The following C8orf34 variants were observed in gnomAD, a reference collection of about 807,000 sequenced individuals.
C8orf34 encodes uncharacterized protein C8orf34.
A neutral mutation model predicts 68.3 loss-of-function variants in C8orf34; 65 were observed. The ratio of observed to expected loss-of-function variants is 0.95; its 90% CI spans 0.78 to 1.17. C8orf34 has a LOEUF of 1.17. Ranked by LOEUF, C8orf34 falls within the 50% of genes most tolerant of loss-of-function variation. The pLI is 0.00. For missense variants in C8orf34, 664 were observed against 655.4 expected, an observed-to-expected ratio of 1.01 and a Z score of -0.14; for synonymous variants, 244 against 241.2, an observed-to-expected ratio of 1.01 and a Z score of -0.11.
chr8:68,451,976 A>T (rs553888595), intron 3 of C8orf34, among the ~76,000 whole-genome samples: 1 of 151,874 alleles, frequency 6.6e-6, no homozygotes, highest in African/African-American at 2.4e-5. Context: ...ACAATGTATG[A>T]CCTTTTGTCT....
rs73266547 is a variant in C8orf34 at position 68,505,351 on chromosome 8, A to G, written c.766-16448A>G. ...TGAATTTTGTATCATTCTTTCATTC[A>G]CTCAAAGAATGCCAGTAGCTGGTGG... On this transcript the variant is annotated intron_variant, in intron 5 of 13. Coordinates refer to ENST00000518698, the MANE Select transcript of C8orf34 (RefSeq NM_052958.4). 8.5e-3 allele frequency among the ~76,000 whole-genome samples: 1,299 copies of G among 152,202 alleles called. 20 individuals carry two copies. The highest frequency in any genetic ancestry group is 0.029 in the African/African-American group (1,192 of 41,528).
At chr8:68,571,614 A>T (rs1816760697) in intron 7 of C8orf34, among the ~76,000 whole-genome samples, 1 of 152,170 alleles carries the variant, frequency 6.6e-6, no homozygotes, top group Non-Finnish European at 1.5e-5. Context: ...AAAAAAGAGG[A>T]GGAAAAATTC....
At chr8:68,509,658 T>C (rs1814176559) in intron 5 of C8orf34, among the ~76,000 whole-genome samples, 2 of 152,078 alleles carry the variant, frequency 1.3e-5, no homozygotes, top group African/African-American at 4.8e-5. Context: ...TGGGATGCAT[T>C]TGAAAGGGGT....
At chr8:68,768,913 ATTAC>A (rs1430674589) in intron 10 of C8orf34, among the ~76,000 whole-genome samples, 1 of 151,190 alleles carries the variant, frequency 6.6e-6, no homozygotes, top group Non-Finnish European at 1.5e-5. Flanking sequence ...TCTTAAGTAT[ATTAC>A]TTCATTCTTC....
intron 1 of C8orf34, among the ~76,000 whole-genome samples, chr8:68,379,968 G>A (rs927530224): frequency 5.9e-5 from 9 of 152,038 alleles, no homozygotes; most frequent in African/African-American, 2.2e-4. Flanking sequence ...TCTCCCAACT[G>A]GAACCTCCCA....
chr8:68,540,013 C>A (rs1327201733), intron 7 of C8orf34, among the ~76,000 whole-genome samples: 3 of 151,958 alleles, frequency 2.0e-5, no homozygotes, highest in Non-Finnish European at 4.4e-5. Context: ...TTTTCAAAAT[C>A]CCAAATGGTA....
chr8:68,614,597 G>A (rs1818135643), intron 7 of C8orf34, among the ~76,000 whole-genome samples: 1 of 152,128 alleles, frequency 6.6e-6, no homozygotes, highest in African/African-American at 2.4e-5. Context: ...TCAGATAGTT[G>A]TAGATATGCG....
At chr8:68,450,638 A>C (rs1811302381) in intron 3 of C8orf34, among the ~76,000 whole-genome samples, 3 of 152,116 alleles carry the variant, frequency 2.0e-5, no homozygotes, top group Non-Finnish European at 2.9e-5. Context: ...GTGCATTTTC[A>C]ATGAGCAGTA....
chr8:68,340,830 C>G (rs1321490613), intron 1 of C8orf34, among the ~76,000 whole-genome samples: 1 of 151,970 alleles, frequency 6.6e-6, no homozygotes, highest in Non-Finnish European at 1.5e-5. Context: ...CAAAACCAGA[C>G]AAAAACTGTA....
At chr8:68,697,138 T>A (rs1820858265) in intron 8 of C8orf34, among the ~76,000 whole-genome samples, 1 of 152,152 alleles carries the variant, frequency 6.6e-6, no homozygotes, top group Non-Finnish European at 1.5e-5. Context: ...ACCTAATTTA[T>A]TTTTATATCG....
At chr8:68,803,781 T>C (rs1824401065) in intron 12 of C8orf34, among the ~76,000 whole-genome samples, 2 of 152,150 alleles carry the variant, frequency 1.3e-5, no homozygotes, top group Admixed American at 1.3e-4. Flanking sequence ...CTGTCAGAAT[T>C]ATATTTCTTA....
Position 68,533,105 on chromosome 8 carries a change from CAGA to C in C8orf34, c.1068_1070del (p.Glu356del). Reference sequence around the variant, plus strand: ...ATCCACAGCCCTACCCCATCTGTAACAGAAGAAGATATTGATAATGAAGATGAT... The same window carrying C: ...ATCCACAGCCCTACCCCATCTGTAACAGAAGATATTGATAATGAAGATGAT... On this transcript the variant is annotated inframe_deletion, in exon 7 of 14. Transcript: ENST00000518698. 1.2e-6 allele frequency: 2 copies of C among 1,608,174 alleles called. No individual in the cohort carries two copies. The highest frequency in any genetic ancestry group is 8.5e-7 in the Non-Finnish European group (1 of 1,177,528).
intron 5 of C8orf34, among the ~76,000 whole-genome samples, chr8:68,514,933 A>C (rs1180351403): frequency 6.6e-6 from 1 of 152,204 alleles, no homozygotes; most frequent in Non-Finnish European, 1.5e-5. Context: ...ATTTTAAGGA[A>C]GAGATTATGG....
chr8:68,661,252 T>C (rs1819669541), intron 8 of C8orf34, among the ~76,000 whole-genome samples: 1 of 152,220 alleles, frequency 6.6e-6, no homozygotes, highest in African/African-American at 2.4e-5. Context: ...TCATTCTTAA[T>C]TGGCTAACAG....
At chr8:68,660,245 C>A (rs1035795180) in intron 8 of C8orf34, among the ~76,000 whole-genome samples, 3 of 152,134 alleles carry the variant, frequency 2.0e-5, no homozygotes, top group African/African-American at 7.2e-5. Context: ...ATTATTGTTA[C>A]CCACCTAGAA....
intron 7 of C8orf34, among the ~76,000 whole-genome samples, chr8:68,617,242 T>C (rs934049564): frequency 6.2e-4 from 94 of 152,316 alleles, no homozygotes; most frequent in African/African-American, 2.2e-3. Flanking sequence ...CTCTATCCAA[T>C]TTGCCAGTCT....
chr8:68,818,431 T>C lies in C8orf34; in HGVS notation c.*185T>C. 1.6e-6 allele frequency: 1 copy of C among 624,108 alleles called. No individual in the cohort carries two copies. Among genetic ancestry groups the C allele is most frequent in the Non-Finnish European group, 2.8e-6 (1 of 360,336 alleles). The allele number at this position is 624,108 out of a possible 1,614,324, so 38.7% of individuals were successfully genotyped here. On this transcript the variant is annotated 3_prime_UTR_variant, in exon 14 of 14. Coordinates refer to ENST00000518698, the MANE Select transcript of C8orf34 (RefSeq NM_052958.4). ...GTATGTAATCAGAGAACACTAATCC[T>C]GGCAAAGGATTGTGGGGTGGTCAGG...
Position 68,726,058 on chromosome 8 carries a change from G to A in C8orf34, c.1404+4621G>A, listed in dbSNP as rs774203841. On this transcript the variant is annotated intron_variant, in intron 10 of 13. Coordinates refer to ENST00000518698, the MANE Select transcript of C8orf34 (RefSeq NM_052958.4). Reference sequence around the variant, plus strand: ...CTAGTGTCTGGGATTACAGGCGCACGCCGCCACACCCAGCTAATTTTTGTA... The same window carrying A: ...CTAGTGTCTGGGATTACAGGCGCACACCGCCACACCCAGCTAATTTTTGTA... Among the ~76,000 whole-genome samples the A allele has an allele frequency of 5.9e-5, 9 of 152,102 alleles. No homozygotes were observed. The East Asian group carries it at 1.2e-3, about 20-fold the overall frequency.
chr8:68,330,978 C>A lies in C8orf34; in HGVS notation c.-35C>A, dbSNP rs541013661. ...CCACTGCGCCGGGCGCTGCGGAGAGCGGCGAGGGTGGGCGCGAGGCGGAGA... is the reference window on the plus strand; with the variant it reads ...CCACTGCGCCGGGCGCTGCGGAGAGAGGCGAGGGTGGGCGCGAGGCGGAGA... On this transcript the variant is annotated 5_prime_UTR_variant, in exon 1 of 14. Coordinates refer to ENST00000518698, the MANE Select transcript of C8orf34 (RefSeq NM_052958.4). The A allele has an allele frequency of 7.4e-6, 10 of 1,354,996 alleles. No individual in the cohort carries two copies. Among genetic ancestry groups the A allele is most frequent in the African/African-American group, 1.5e-5 (1 of 64,606 alleles). The allele number at this position is 1,354,996 out of a possible 1,614,324, so 83.9% of individuals were successfully genotyped here. A position where few individuals can be genotyped will look rare whatever the true frequency, so the allele number is the denominator to read the frequency against.
Sources: allele counts gnomAD v4.1 joint callset (sites outside exome capture counted in the v4.1 genomes callset), GRCh38; gene constraint gnomAD v4.1.1; transcripts MANE v1.5; gene names NCBI Gene and HGNC (gene_info 2026-07-23, HGNC 2026-07-21).